Variants in TCF7L2 observed in about 807,000 individuals in gnomAD.
TCF7L2 encodes the protein transcription factor 7-like 2.
TCF7L2 carries 23 observed loss-of-function variants against 77.9 expected under a neutral mutation model. The ratio of observed to expected loss-of-function variants is 0.30; its 90% CI spans 0.21 to 0.42. The LOEUF (loss-of-function observed/expected upper bound fraction) is 0.42. Among genes scored for constraint, TCF7L2 ranks in the 10% least tolerant of loss-of-function variants. The pLI is 1.00. For missense variants in TCF7L2, 654 were observed against 793.1 expected (o/e 0.82, Z 2.11); for synonymous variants, 413 against 340.2 (o/e 1.21, Z -2.36).
Position 113,067,258 on chromosome 10 carries a change from G to A in TCF7L2, c.552+27132G>A, listed in dbSNP as rs558489367. Among the ~76,000 whole-genome samples, 6 of 152,292 alleles carry A rather than the reference G, an allele frequency of 3.9e-5. No homozygotes were observed. In the South Asian group the frequency reaches 1.2e-3, roughly 32 times the overall value. ...CCGTAGGAGGGGCTCCAGAAGGACCGGAGTTCTGGGTGTTGAGGTTGTCAT... is the reference window on the plus strand; with the variant it reads ...CCGTAGGAGGGGCTCCAGAAGGACCAGAGTTCTGGGTGTTGAGGTTGTCAT... On this transcript the variant is annotated intron_variant, in intron 5 of 13. Coordinates refer to ENST00000627217, the MANE Select transcript of TCF7L2 (RefSeq NM_001146274.2).
chr10:113,003,531 C>A (rs139957591), intron 4 of TCF7L2, among the ~76,000 whole-genome samples: 325 of 152,304 alleles, frequency 2.1e-3, no homozygotes, highest in African/African-American at 7.4e-3. Flanking sequence ...TCCTGTTTCC[C>A]AGCCCGCATC....
At chr10:112,992,928 T>G (rs2042839823) in intron 4 of TCF7L2, among the ~76,000 whole-genome samples, 1 of 151,886 alleles carries the variant, frequency 6.6e-6, no homozygotes, top group Admixed American at 6.6e-5. Flanking sequence ...CGCGCCTGGC[T>G]AATTTTTTGT....
intron 5 of TCF7L2, chr10:113,089,421 C>T: frequency 6.2e-7 from 1 of 1,613,822 alleles, no homozygotes; most frequent in Non-Finnish European, 8.5e-7. Flanking sequence ...TTGCTGCACT[C>T]AGGGACATGA....
chr10:113,045,730 T>C (rs2053324739), intron 5 of TCF7L2, among the ~76,000 whole-genome samples: 2 of 152,196 alleles, frequency 1.3e-5, no homozygotes, highest in Admixed American at 1.3e-4. Context: ...ATCTTTTACT[T>C]CTGGATTATC....
chr10:113,079,910 C>T (rs149767705), intron 5 of TCF7L2, among the ~76,000 whole-genome samples: 3 of 151,910 alleles, frequency 2.0e-5, no homozygotes, highest in Non-Finnish European at 4.4e-5. Flanking sequence ...CACCCCCCTC[C>T]GCCTCCCAAA....
At chr10:113,161,449 C>T (rs533434318) in intron 13 of TCF7L2, 12 of 988,736 alleles carry the variant, frequency 1.2e-5, no homozygotes, top group Non-Finnish European at 1.8e-5. Context: ...CTCCATCCAG[C>T]CTGCATTCTC....
intron 4 of TCF7L2, among the ~76,000 whole-genome samples, chr10:112,986,734 T>A (rs565723273): frequency 1.3e-5 from 2 of 152,234 alleles, no homozygotes; most frequent in East Asian, 1.9e-4. Flanking sequence ...CCTCCACACC[T>A]CCCTGGGAAG....
chr10:113,031,480 C>CTTTT (rs57567068), intron 4 of TCF7L2, among the ~76,000 whole-genome samples: 1 of 134,870 alleles, frequency 7.4e-6, no homozygotes, highest in Non-Finnish European at 1.6e-5. Flanking sequence ...ACTGTGCAAC[C>CTTTT]TTTTTTTTTT....
intron 5 of TCF7L2, among the ~76,000 whole-genome samples, chr10:113,045,870 G>A (rs752503596): frequency 3.3e-5 from 5 of 152,076 alleles, no homozygotes; most frequent in African/African-American, 7.2e-5. Context: ...TTCCCATTTC[G>A]CAGTCAGGGC....
chr10:112,959,219 A>G (rs756568361), intron 3 of TCF7L2, among the ~76,000 whole-genome samples: 28 of 152,150 alleles, frequency 1.8e-4, no homozygotes, highest in Non-Finnish European at 3.5e-4. Flanking sequence ...AACGATGAAC[A>G]TAGCATTTCC....
Position 113,151,579 on chromosome 10 carries a change from C to A in TCF7L2, c.1002-146C>A. 2 of 992,770 alleles carry A rather than the reference C, an allele frequency of 2.0e-6. No homozygotes were observed. The highest frequency in any genetic ancestry group is 2.8e-6 in the Non-Finnish European group (2 of 722,628). 61.5% of individuals were successfully genotyped at this position (992,770 alleles called of 1,614,324 possible). On this transcript the variant is annotated intron_variant, in intron 9 of 13. Transcript: ENST00000627217. This position sits in a 1 kb window ranked among gnomAD's most constrained non-coding sequence, Gnocchi z 5.2. ...CCCAAGCTATTTTTGTTCCATTTTC[C>A]GGGGTGCAGAAGAACTAAAAGCATG...
chr10:113,105,596 T>C (rs1459411673), intron 5 of TCF7L2, among the ~76,000 whole-genome samples: 3 of 152,216 alleles, frequency 2.0e-5, no homozygotes, highest in Admixed American at 2.0e-4. Flanking sequence ...TTCTGCCTGG[T>C]GACCAGGGAG....
intron 5 of TCF7L2, among the ~76,000 whole-genome samples, chr10:113,079,225 GGTT>G (rs1039351244): frequency 6.6e-6 from 1 of 152,132 alleles, no homozygotes; most frequent in African/African-American, 2.4e-5. Context: ...CTGTTTTGGT[GGTT>G]GTTTTTACCT....
intron 4 of TCF7L2, among the ~76,000 whole-genome samples, chr10:113,030,285 C>CTG (rs2049998623): frequency 6.6e-6 from 1 of 152,200 alleles, no homozygotes; most frequent in African/African-American, 2.4e-5. Flanking sequence ...CATTTTATGG[C>CTG]TGTACCGCAT....
At chr10:112,991,460 A>C (rs1279351585) in intron 4 of TCF7L2, among the ~76,000 whole-genome samples, 2 of 151,216 alleles carry the variant, frequency 1.3e-5, no homozygotes, top group Admixed American at 6.6e-5. Flanking sequence ...GTGAGCCGAG[A>C]TCGCCCCACT....
At chr10:112,984,106 G>A (rs952854782) in intron 4 of TCF7L2, among the ~76,000 whole-genome samples, 2 of 152,144 alleles carry the variant, frequency 1.3e-5, no homozygotes, top group African/African-American at 4.8e-5. Flanking sequence ...TCTATTTATT[G>A]CTATCTGTCT....
At chr10:112,981,166 G>A (rs1255607325) in intron 4 of TCF7L2, among the ~76,000 whole-genome samples, 2 of 152,138 alleles carry the variant, frequency 1.3e-5, no homozygotes, top group East Asian at 3.8e-4. Context: ...AATGGTGAAA[G>A]CAGATGAGAA....
chr10:113,047,347 A>G (rs2053639168), intron 5 of TCF7L2, among the ~76,000 whole-genome samples: 1 of 152,194 alleles, frequency 6.6e-6, no homozygotes, highest in African/African-American at 2.4e-5. Flanking sequence ...GAATTTAACA[A>G]CAAAAAAACT....
chr10:113,048,360 A>G (rs186384225), intron 5 of TCF7L2, among the ~76,000 whole-genome samples: 353 of 152,184 alleles, frequency 2.3e-3, no homozygotes, highest in Non-Finnish European at 3.7e-3. Context: ...CCAGATTGTA[A>G]GTTTCTTGAA....
Sources: allele counts gnomAD v4.1 joint callset (sites outside exome capture counted in the v4.1 genomes callset), GRCh38; gene constraint gnomAD v4.1.1; non-coding constraint Gnocchi (gnomAD v3.1); transcripts MANE v1.5; gene names NCBI Gene and HGNC (gene_info 2026-07-23, HGNC 2026-07-21).